The following RAB10 variants were observed in gnomAD, a reference collection of about 807,000 sequenced individuals.
RAB10 encodes ras-related protein Rab-10.
A neutral mutation model predicts 25.7 loss-of-function variants in RAB10; 5 were observed. The ratio of observed to expected loss-of-function variants is 0.19; its 90% CI spans 0.10 to 0.41. The LOEUF is 0.41. Ranked by LOEUF, RAB10 falls within the 10% of genes least tolerant of loss-of-function variation. The pLI, the probability that RAB10 is intolerant of heterozygous loss-of-function variation, is 1.00. For missense variants in RAB10, 103 were observed against 245.8 expected (o/e 0.42, Z 3.89); for synonymous variants, 89 against 86.4 (o/e 1.03, Z -0.16).
chr2:26,049,978 A>G (rs1574527622), intron 1 of RAB10, among the ~76,000 whole-genome samples: 1 of 152,198 alleles, frequency 6.6e-6, no homozygotes. Flanking sequence ...CCTCTCTGCT[A>G]GATACTTTCT....
rs1292537359 is a variant in RAB10, at chr2:26,136,382, C to T, written c.*1361C>T. ...TTCTTTACCTTAAGATTCAGAAATA[C>T]TTTAGAATATTATTAATTTTAAGTC... On this transcript the variant is annotated 3_prime_UTR_variant, in exon 6 of 6. Coordinates refer to ENST00000264710, the MANE Select transcript of RAB10 (RefSeq NM_016131.5). The T allele has an allele frequency of 1.3e-5, 2 of 152,526 alleles. No homozygotes were observed. Among genetic ancestry groups the T allele is most frequent in the Non-Finnish European group, 2.9e-5 (2 of 68,030 alleles). 9.4% of individuals were successfully genotyped at this position (152,526 alleles called of 1,614,324 possible).
intron 3 of RAB10, among the ~76,000 whole-genome samples, chr2:26,113,135 A>G (rs753549401): frequency 6.6e-6 from 1 of 152,202 alleles, no homozygotes; most frequent in Non-Finnish European, 1.5e-5. Context: ...AAAGGATTAT[A>G]TAACATGATC....
chr2:26,088,970 G>T (rs1385992868), intron 1 of RAB10, among the ~76,000 whole-genome samples: 1 of 151,958 alleles, frequency 6.6e-6, no homozygotes, highest in Non-Finnish European at 1.5e-5. Context: ...ATAGGGTGGG[G>T]GAGGGTGGAA....
chr2:26,112,862 C>T (rs1161429440), intron 3 of RAB10, among the ~76,000 whole-genome samples: 1 of 152,124 alleles, frequency 6.6e-6, no homozygotes, highest in African/African-American at 2.4e-5. Context: ...AGGCGGATCA[C>T]CTGAGGTCAG....
intron 2 of RAB10, among the ~76,000 whole-genome samples, chr2:26,108,913 A>C (rs943496641): frequency 6.7e-6 from 1 of 150,044 alleles, no homozygotes. Context: ...TTATTTATTT[A>C]TTTATTTATT....
At chr2:26,083,498 C>G (rs911755414) in intron 1 of RAB10, among the ~76,000 whole-genome samples, 2 of 144,164 alleles carry the variant, frequency 1.4e-5, no homozygotes, top group East Asian at 2.3e-4. Flanking sequence ...TTGTCTCACT[C>G]TGTCACCCAG....
At chr2:26,042,154 C>G (rs1665904665) in intron 1 of RAB10, among the ~76,000 whole-genome samples, 1 of 152,130 alleles carries the variant, frequency 6.6e-6, no homozygotes, top group Non-Finnish European at 1.5e-5. Context: ...CTTTCTCCAC[C>G]ACAGGCTTAC....
intron 1 of RAB10, among the ~76,000 whole-genome samples, chr2:26,094,499 G>A (rs1327750134): frequency 1.3e-5 from 2 of 152,124 alleles, no homozygotes; most frequent in African/African-American, 2.4e-5. Context: ...TGACCCTGCC[G>A]CCTCAGCCTC....
rs756777839 is a variant in RAB10 at position 26,044,547 on chromosome 2, GT to G, written c.127+9827del. ...GGCCAAAAGGCCACATGGCTAATTA[GT>G]TTTTTTTTTTTTTTGAGATAGAGTT... On this transcript the variant is annotated intron_variant, in intron 1 of 5. Coordinates refer to ENST00000264710, the MANE Select transcript of RAB10 (RefSeq NM_016131.5). 3.5e-3 allele frequency among the ~76,000 whole-genome samples: 495 copies of G among 142,258 alleles called. 3 individuals carry two copies. Among genetic ancestry groups the G allele is most frequent in the East Asian group, 2.6e-3 (13 of 4,946 alleles). 93.3% of individuals were successfully genotyped at this position (142,258 alleles called of 152,430 possible). A position where few individuals can be genotyped will look rare whatever the true frequency, so the allele number is the denominator to read the frequency against.
At chr2:26,057,598 T>C (rs1348036790) in intron 1 of RAB10, among the ~76,000 whole-genome samples, 1 of 151,380 alleles carries the variant, frequency 6.6e-6, no homozygotes, top group East Asian at 1.9e-4. Flanking sequence ...TTTTGTCCCT[T>C]ATTTGACTAA....
At chr2:26,054,312 C>G (rs980091219) in intron 1 of RAB10, among the ~76,000 whole-genome samples, 4 of 151,978 alleles carry the variant, frequency 2.6e-5, no homozygotes, top group Non-Finnish European at 5.9e-5. Flanking sequence ...TCTTGGCCTC[C>G]CAAAGTACTG....
At chr2:26,047,557 C>A (rs1016432552) in intron 1 of RAB10, among the ~76,000 whole-genome samples, 25 of 151,570 alleles carry the variant, frequency 1.6e-4, no homozygotes, top group African/African-American at 6.1e-4. Context: ...GCTGGGATTA[C>A]AGGCACCCAC....
intron 4 of RAB10, 88 bp downstream of exon 4, chr2:26,127,321 C>A: frequency 1.0e-6 from 1 of 956,586 alleles, no homozygotes. Context: ...AGTGATCGAA[C>A]ACACTAAGCT....
Position 26,043,491 on chromosome 2 carries a change from C to T in RAB10, c.127+8756C>T, listed in dbSNP as rs536656293. ...CCAGCATTCATAGTAGCATTATGCA[C>T]GATAGCTGAAAGGTGGAAACAACTC... is the stretch of plus-strand genomic sequence containing the variant. On this transcript the variant is annotated intron_variant, in intron 1 of 5. Coordinates refer to ENST00000264710, the MANE Select transcript of RAB10 (RefSeq NM_016131.5). Among the ~76,000 whole-genome samples, 46 of 152,046 alleles carry T rather than the reference C, an allele frequency of 3.0e-4. No individual in the cohort carries two copies. In the South Asian group the frequency reaches 8.9e-3, roughly 30 times the overall value.
chr2:26,117,706 A>AGCCT (rs1667723275), intron 3 of RAB10, among the ~76,000 whole-genome samples: 1 of 152,188 alleles, frequency 6.6e-6, no homozygotes. Flanking sequence ...TAACTAACAT[A>AGCCT]GCCTGGGAGG....
intron 5 of RAB10, among the ~76,000 whole-genome samples, chr2:26,131,319 A>C (rs984555864): frequency 2.0e-5 from 3 of 152,146 alleles, no homozygotes; most frequent in African/African-American, 7.2e-5. Context: ...TGTTTTAACA[A>C]AGTTTACGAA....
chr2:26,061,543 C>T (rs1422032145), intron 1 of RAB10, among the ~76,000 whole-genome samples: 1 of 151,884 alleles, frequency 6.6e-6, no homozygotes, highest in African/African-American at 2.4e-5. Flanking sequence ...GCCACCATGC[C>T]TGACTAATTA....
intron 3 of RAB10, among the ~76,000 whole-genome samples, chr2:26,116,878 T>C (rs1332260223): frequency 6.6e-6 from 1 of 151,846 alleles, no homozygotes; most frequent in Non-Finnish European, 1.5e-5. Context: ...TTTTTCTTTT[T>C]TTAAGAGAGA....
chr2:26,036,775 T>G (rs1665772736), intron 1 of RAB10, among the ~76,000 whole-genome samples: 1 of 151,964 alleles, frequency 6.6e-6, no homozygotes, highest in African/African-American at 2.4e-5. Flanking sequence ...GTTGAGGATT[T>G]AATTCATGTG....
Sources: gnomAD v4.1 joint callset for allele counts (sites outside exome capture counted in the v4.1 genomes callset) on GRCh38, gnomAD v4.1.1 for gene constraint, MANE v1.5 for transcripts, NCBI Gene and HGNC (gene_info 2026-07-23, HGNC 2026-07-21) for gene names.